Variants in TRIM25 observed in about 807,000 individuals in gnomAD.
TRIM25 encodes the protein tripartite motif containing 25.
TRIM25 carries 45 observed loss-of-function variants against 65.2 expected under a neutral mutation model. The ratio of observed to expected loss-of-function variants is 0.69; its 90% CI spans 0.54 to 0.89. The LOEUF is 0.89. Among genes scored for constraint, TRIM25 ranks in the 40% least tolerant of loss-of-function variants. The pLI, the probability that TRIM25 is intolerant of heterozygous loss-of-function variation, is 0.00. For synonymous variants in TRIM25, 321 were observed against 340.4 expected (o/e 0.94, Z 0.63); for missense variants, 714 against 803.7 (o/e 0.89, Z 1.35).
At chr17:56,901,323 C>G in intron 4 of TRIM25, 96 bp downstream of exon 4, 1 of 1,399,384 alleles carries the variant, frequency 7.1e-7, no homozygotes, top group Non-Finnish European at 9.7e-7. Context: ...CCCCAGTGCT[C>G]GGGATCACGC....
rs370448726 is a variant in TRIM25 at position 56,905,738 on chromosome 17, G to A, written c.694-1250C>T. On this transcript the variant is annotated intron_variant, in intron 2 of 8. Transcript: ENST00000316881. The stretch of plus-strand genomic sequence containing the variant: ...CTTGGGAGACCGAGGCAGGAGGATC[G>A]CTTGAGGCCAGGAGTTCAAGACCAG... 7.9e-5 allele frequency among the ~76,000 whole-genome samples: 12 copies of A among 152,216 alleles called. 1 individual carries two copies. Among genetic ancestry groups the A allele is most frequent in the East Asian group, 1.9e-4 (1 of 5,180 alleles).
chr17:56,913,569 G>A lies in TRIM25; in HGVS notation c.420C>T (p.Phe140=), dbSNP rs144517311. The A allele has an allele frequency of 6.2e-7, 1 of 1,613,032 alleles. No homozygotes were observed. The highest frequency in any genetic ancestry group is 1.3e-5 in the African/African-American group (1 of 75,064). The change falls in exon 1 of 9, where the codon TTC becomes TTT. Residue 140 remains phenylalanine (F), a synonymous_variant. Transcript: ENST00000316881. This position sits in a 1 kb window ranked among gnomAD's most constrained non-coding sequence, Gnocchi z 6.1. The stretch of plus-strand genomic sequence containing the variant: ...CGGGCGGCTGCAGCGGGTGGTCCTG[G>A]AAGGCGGGGCTGTCGAAGTGCGGCT... ...HLQPHFDSPA[F]QDHPLQPPVR...
intron 4 of TRIM25, 54 bp downstream of exon 4, chr17:56,901,365 C>A: frequency 6.4e-7 from 1 of 1,570,788 alleles, no homozygotes; most frequent in Non-Finnish European, 8.7e-7. Context: ...ATTTAGGGGA[C>A]CCATCGGGTT....
At position 56,913,515 on chromosome 17, in the gene TRIM25, G is replaced by C. The variant is rs370977107; in HGVS notation, c.474C>G (p.Ser158=). The C allele has an allele frequency of 1.2e-6, 2 of 1,613,822 alleles. No homozygotes were observed. Among genetic ancestry groups the C allele is most frequent in the Non-Finnish European group, 8.5e-7 (1 of 1,179,852 alleles). ...AAAATTCCCGCAGCCGATTGTGCTG[G>C]GAACATTTGCGGCGCAACAGGTCGC... ...PVRDLLRRKC[S]QHNRLREFFC... is the part of the protein sequence containing the mutation. Residue 158 remains serine (S), a synonymous_variant, in exon 1 of 9, where the codon TCC becomes TCG. Coordinates refer to ENST00000316881, the MANE Select transcript of TRIM25 (RefSeq NM_005082.5). The surrounding 1 kb of genome is among the most constrained non-coding windows in gnomAD (Gnocchi z 6.1).
intron 5 of TRIM25, 119 bp from the exon 6 acceptor site, chr17:56,896,071 G>T: frequency 1.8e-6 from 2 of 1,140,620 alleles, no homozygotes; most frequent in South Asian, 1.5e-5. Context: ...GTTTTAATTT[G>T]AAAAACAGAA....
chr17:56,906,378 T>C (rs1280270943), intron 2 of TRIM25, among the ~76,000 whole-genome samples: 3 of 152,206 alleles, frequency 2.0e-5, no homozygotes, highest in Non-Finnish European at 4.4e-5. Context: ...TCTGTGGTAT[T>C]CCGTTATAGC....
chr17:56,902,391 A>G (rs1389291373), intron 3 of TRIM25, among the ~76,000 whole-genome samples: 2 of 152,180 alleles, frequency 1.3e-5, no homozygotes, highest in Non-Finnish European at 2.9e-5. Context: ...TGGGGGTAAT[A>G]AGAGATGGGC....
intron 3 of TRIM25, among the ~76,000 whole-genome samples, chr17:56,903,266 G>A (rs1909449393): frequency 2.0e-5 from 3 of 152,270 alleles, no homozygotes; most frequent in South Asian, 4.2e-4. Flanking sequence ...TGGGCATGGT[G>A]GCGTGCGCCT....
rs772179850 is a variant in TRIM25, at chr17:56,892,020, C to A, written c.1573G>T (p.Gly525Trp). Residue 525 changes from glycine to tryptophan, a missense_variant, in exon 9 of 9, where the codon GGG (glycine) becomes TGG (tryptophan). By Grantham distance (184) the Gly-to-Trp change is radical. Transcript: ENST00000316881. ...ATGCTTCCGTAGCAGATGCCTACCC[C>A]ACAGAAGTTGTTCTTCTGCAGCTCC... is the stretch of plus-strand genomic sequence containing the variant. ...EVELQKNNFC[G>W]VGICYGSMNR... is the part of the protein sequence containing the mutation. 9.9e-6 allele frequency: 16 copies of A among 1,614,180 alleles called. No homozygotes were observed. The highest frequency in any genetic ancestry group is 2.2e-5 in the East Asian group (1 of 44,876).
rs771127748 is a variant in TRIM25 at position 56,901,452 on chromosome 17, T to C, written c.1054A>G (p.Ile352Val). 16 of 1,614,004 alleles carry C rather than the reference T, an allele frequency of 9.9e-6. No homozygotes were observed. The highest frequency in any genetic ancestry group is 1.3e-5 in the African/African-American group (1 of 74,924). Residue 352 changes from isoleucine to valine, a missense_variant, in exon 4 of 9, where the codon ATC (isoleucine) becomes GTC (valine). Physicochemically the swap from Ile to Val is conservative, Grantham distance 29. Transcript: ENST00000316881. ...GGGGTGGGCTCCTGGAGCCGCCCGA[T>C]GCACTGCTTCAGCTCGTTTTTGAGG... ...IDLKNELKQC[I>V]GRLQEPTPSS...
In TRIM25 at chr17:56,891,712, G is replaced by A. The variant is rs1909173751; in HGVS notation, c.1881C>T (p.Cys627=). 6.2e-7 allele frequency: 1 copy of A among 1,611,980 alleles called. No individual in the cohort carries two copies. Residue 627 remains cysteine (C), a synonymous_variant, in exon 9 of 9, where the codon TGC becomes TGT. Transcript: ENST00000316881. The part of the protein sequence containing the change: ...VFSAGATLSI[C]SPK The stretch of plus-strand genomic sequence containing the variant: ...GCCTACAGCCTGCCTACTTGGGGGA[G>A]CAGATGGAGAGTGTGGCACCAGCAG...
intron 3 of TRIM25, among the ~76,000 whole-genome samples, chr17:56,903,446 T>C (rs1288291461): frequency 1.3e-5 from 2 of 152,112 alleles, no homozygotes; most frequent in Non-Finnish European, 2.9e-5. Flanking sequence ...AGGTACTCCT[T>C]TATAGCAATG....
intron 1 of TRIM25, among the ~76,000 whole-genome samples, chr17:56,910,900 C>T (rs898352584): frequency 2.6e-5 from 4 of 152,162 alleles, no homozygotes; most frequent in African/African-American, 9.7e-5. Context: ...AAAAGCAGAC[C>T]TGTTATAGGA....
At chr17:56,892,433 GTATCCATCCATCCATC>G in intron 8 of TRIM25, among the ~76,000 whole-genome samples, 1 of 151,870 alleles carries the variant, frequency 6.6e-6, no homozygotes, top group Non-Finnish European at 1.5e-5. Flanking sequence ...ATCCATCCAT[GTATCCATCCATCCATC>G]TATCCATCTA....
At position 56,901,586 on chromosome 17, in the gene TRIM25, A is replaced by G. The variant is rs747563204; in HGVS notation, c.928-8T>C. On this transcript the variant is annotated splice_region_variant and splice_polypyrimidine_tract_variant and intron_variant, in intron 3 of 8. Coordinates refer to ENST00000316881, the MANE Select transcript of TRIM25 (RefSeq NM_005082.5). The stretch of plus-strand genomic sequence containing the variant: ...TCGCAGTTTTGATGCTTTCTGGAAC[A>G]TGCCAGGGGGTTAGTGCAGGCAGCT... 1 of 1,614,090 alleles carries G rather than the reference A, an allele frequency of 6.2e-7. No individual in the cohort carries two copies.
intron 3 of TRIM25, 27 bp from the exon 4 acceptor site, chr17:56,901,605 G>T: frequency 1.2e-6 from 2 of 1,613,416 alleles, no homozygotes. Flanking sequence ...GGTTAGTGCA[G>T]GCAGCTCTGG....
chr17:56,904,721 C>T (rs1167399198), intron 2 of TRIM25, among the ~76,000 whole-genome samples: 1 of 152,160 alleles, frequency 6.6e-6, no homozygotes, highest in East Asian at 1.9e-4. Flanking sequence ...CAGCCACCTG[C>T]CCCTGAGACA....
chr17:56,895,288 C>A (rs1209653038), intron 8 of TRIM25, 55 bp downstream of exon 8: 19 of 1,417,560 alleles, frequency 1.3e-5, no homozygotes, highest in Admixed American at 6.9e-5. Flanking sequence ...CTGCACAGAG[C>A]GGCGCAGGAG....
Position 56,891,898 on chromosome 17 carries a change from C to T in TRIM25, c.1695G>A (p.Val565=). Residue 565 remains valine (V), a synonymous_variant, in exon 9 of 9, where the codon GTG becomes GTA. Transcript: ENST00000316881. ...CCTTGGTGGAGGGCAGGGTTTTCTCCACGTTATTGTGCCAGGCAGAGATCT... is the reference window on the plus strand; with the variant it reads ...CCTTGGTGGAGGGCAGGGTTTTCTCTACGTTATTGTGCCAGGCAGAGATCT... ...NTKISAWHNN[V]EKTLPSTKAT... is the part of the protein sequence containing the mutation. The T allele has an allele frequency of 6.2e-7, 1 of 1,614,250 alleles. No homozygotes were observed. Among genetic ancestry groups the T allele is most frequent in the Middle Eastern group, 1.6e-4 (1 of 6,062 alleles).
Sources: gnomAD v4.1 joint callset for allele counts (sites outside exome capture counted in the v4.1 genomes callset) on GRCh38, gnomAD v4.1.1 for gene constraint, Gnocchi (gnomAD v3.1) non-coding constraint, MANE v1.5 for transcripts, NCBI Gene and HGNC (gene_info 2026-07-23, HGNC 2026-07-21) for gene names.